RTF1: variants seen among roughly 807,000 people sequenced by gnomAD.
RTF1 encodes the protein RTF1 homolog, Paf1/RNA polymerase II complex component, also known as RNA polymerase-associated protein RTF1 homolog.
In RTF1, 10 loss-of-function variants were observed where a neutral mutation model predicts 95.7. The observed-to-expected ratio is 0.10, with a 90% CI of 0.06 to 0.18. The LOEUF (loss-of-function observed/expected upper bound fraction) is 0.18. Ranked by LOEUF, RTF1 falls within the 10% of genes least tolerant of loss-of-function variation. The probability of loss-of-function intolerance (pLI) is 1.00; values close to 1 mark genes in which losing one functional copy is unlikely to be tolerated. For missense variants in RTF1, 458 were observed against 875.6 expected, an observed-to-expected ratio of 0.52 and a Z score of 6.02; for synonymous variants, 305 against 311.8, an observed-to-expected ratio of 0.98 and a Z score of 0.23.
chr15:41,466,733 T>A (rs1163805752), intron 6 of RTF1, among the ~76,000 whole-genome samples: 1 of 152,268 alleles, frequency 6.6e-6, no homozygotes, highest in Non-Finnish European at 1.5e-5. Context: ...TACATTGTGA[T>A]CTGTTAATAC....
At chr15:41,441,347 C>T (rs2050735070) in intron 2 of RTF1, among the ~76,000 whole-genome samples, 1 of 152,092 alleles carries the variant, frequency 6.6e-6, no homozygotes, top group South Asian at 2.1e-4. Context: ...CCTTGCCACT[C>T]AGTATTGTAT....
intron 2 of RTF1, among the ~76,000 whole-genome samples, chr15:41,447,315 A>G (rs891037371): frequency 2.6e-5 from 4 of 152,034 alleles, no homozygotes; most frequent in Admixed American, 6.6e-5. Context: ...CAGCATCTCA[A>G]TGCCACCCTA....
chr15:41,454,684 G>T (rs1254176636), intron 3 of RTF1, among the ~76,000 whole-genome samples: 1 of 152,140 alleles, frequency 6.6e-6, no homozygotes, highest in African/African-American at 2.4e-5. Flanking sequence ...AGATGTTAGG[G>T]CTTCCTGATG....
intron 4 of RTF1, among the ~76,000 whole-genome samples, chr15:41,463,840 T>G (rs1235613037): frequency 6.6e-6 from 1 of 151,888 alleles, no homozygotes; most frequent in Non-Finnish European, 1.5e-5. Flanking sequence ...ATTGTGTGTT[T>G]TTTGTTGTTG....
chr15:41,472,523 GT>G (rs1390089032), intron 8 of RTF1, among the ~76,000 whole-genome samples: 1 of 148,440 alleles, frequency 6.7e-6, no homozygotes, highest in Non-Finnish European at 1.5e-5. Context: ...TTAATTTTTT[GT>G]TTTTTATTTT....
chr15:41,431,375 C>T (rs912452934), intron 1 of RTF1, among the ~76,000 whole-genome samples: 1 of 151,718 alleles, frequency 6.6e-6, no homozygotes, highest in African/African-American at 2.4e-5. Context: ...CCACCACGCC[C>T]AGCTACTTTT....
At chr15:41,437,955 G>A (rs1193818633) in intron 1 of RTF1, among the ~76,000 whole-genome samples, 6 of 152,094 alleles carry the variant, frequency 3.9e-5, no homozygotes, top group Admixed American at 6.6e-5. Flanking sequence ...ATACTAAACC[G>A]GATAAAACAG....
rs752702270 is a variant in RTF1 at position 41,421,709 on chromosome 15, C to CT, written c.198+4413dup. On this transcript the variant is annotated intron_variant, in intron 1 of 17. Transcript: ENST00000389629. ...TTTTAAGATGGCAAAACTACTGGTT[C>CT]TTTTTTTTTTTTTTTTTAGGCAGGG... 4.0e-3 allele frequency among the ~76,000 whole-genome samples: 508 copies of CT among 127,436 alleles called. 1 individual carries two copies. The highest frequency in any genetic ancestry group is 5.0e-3 in the Non-Finnish European group (295 of 59,302). The allele number at this position is 127,436 out of a possible 152,430, so 83.6% of individuals were successfully genotyped here. A position where few individuals can be genotyped will look rare whatever the true frequency, so the allele number is the denominator to read the frequency against.
intron 1 of RTF1, among the ~76,000 whole-genome samples, chr15:41,423,182 AGTT>A (rs1319185804): frequency 1.3e-5 from 2 of 152,184 alleles, no homozygotes; most frequent in African/African-American, 4.8e-5. Context: ...GAAATTTAAA[AGTT>A]GTGCTTCTTG....
rs1566850854 is a variant in RTF1, at chr15:41,479,201, A to T, written c.1914+3A>T. ...ATGCTCCAAAGGAAATGAGCAAGGC[A>T]AGTGTGGTACCACCCTGTTGCCTGC... is the stretch of plus-strand genomic sequence containing the variant. On this transcript the variant is annotated splice_donor_region_variant and intron_variant, in intron 16 of 17. Coordinates refer to ENST00000389629, the MANE Select transcript of RTF1 (RefSeq NM_015138.5). 1 of 1,604,700 alleles carries T rather than the reference A, an allele frequency of 6.2e-7. No individual in the cohort carries two copies. Among genetic ancestry groups the T allele is most frequent in the Non-Finnish European group, 8.5e-7 (1 of 1,172,126 alleles).
At chr15:41,425,703 A>C (rs989519924) in intron 1 of RTF1, among the ~76,000 whole-genome samples, 10 of 152,200 alleles carry the variant, frequency 6.6e-5, no homozygotes, top group African/African-American at 1.9e-4. Context: ...TATTTATTAA[A>C]TGAAGGACTG....
chr15:41,477,005 T>C (rs953433875), intron 12 of RTF1, among the ~76,000 whole-genome samples, 160 bp from the exon 13 acceptor site: 1 of 152,256 alleles, frequency 6.6e-6, no homozygotes, highest in Admixed American at 6.5e-5. Context: ...ATATAAATTA[T>C]ATCTTGTATT....
intron 4 of RTF1, among the ~76,000 whole-genome samples, chr15:41,463,925 C>T (rs2050866033): frequency 6.6e-6 from 1 of 151,778 alleles, no homozygotes; most frequent in Non-Finnish European, 1.5e-5. Flanking sequence ...GATCTTGGCT[C>T]ACTGCAACCT....
At chr15:41,473,225 C>A (rs1030212608) in intron 8 of RTF1, among the ~76,000 whole-genome samples, 19 of 151,978 alleles carry the variant, frequency 1.3e-4, no homozygotes, top group African/African-American at 4.6e-4. Context: ...GCTCCCACTC[C>A]TGGGTTCACG....
intron 2 of RTF1, among the ~76,000 whole-genome samples, chr15:41,450,604 A>T (rs970041148): frequency 6.6e-6 from 1 of 151,262 alleles, no homozygotes; most frequent in Non-Finnish European, 1.5e-5. Flanking sequence ...AAAAAAAATT[A>T]TCTTCCTTGA....
At chr15:41,464,739 TG>T in intron 4 of RTF1, 31 bp from the exon 5 acceptor site, 1 of 1,493,072 alleles carries the variant, frequency 6.7e-7, no homozygotes, top group Non-Finnish European at 9.1e-7. Context: ...TACATTTCAT[TG>T]CTACTTAAAA....
intron 2 of RTF1, among the ~76,000 whole-genome samples, chr15:41,443,203 A>G (rs1413412972): frequency 1.3e-5 from 2 of 152,182 alleles, no homozygotes; most frequent in Admixed American, 6.6e-5. Context: ...AAGCTCTGAA[A>G]GTTTTCTATC....
At position 41,478,808 on chromosome 15, in the gene RTF1, C is replaced by T. The variant is rs998418087; in HGVS notation, c.1818+183C>T. On this transcript the variant is annotated intron_variant, in intron 15 of 17. Transcript: ENST00000389629. ...CTATAGGACATATCGGTAGTGAAAA[C>T]GTGGCATGGATTTATAAAAACCTAG... is the stretch of plus-strand genomic sequence containing the variant. The T allele has an allele frequency of 4.8e-6, 3 of 623,276 alleles. No individual in the cohort carries two copies. The Admixed American group carries it at 8.8e-5, about 18-fold the overall frequency. The allele number at this position is 623,276 out of a possible 1,614,324, so 38.6% of individuals were successfully genotyped here.
intron 4 of RTF1, among the ~76,000 whole-genome samples, chr15:41,462,812 G>T (rs2050857782): frequency 1.3e-5 from 2 of 152,120 alleles, no homozygotes. Context: ...CTGGAGTGCT[G>T]TGGCATGATT....
Sources: allele counts gnomAD v4.1 joint callset (sites outside exome capture counted in the v4.1 genomes callset), GRCh38; gene constraint gnomAD v4.1.1; transcripts MANE v1.5; gene names NCBI Gene and HGNC (gene_info 2026-07-23, HGNC 2026-07-21).